The following ZNF541 variants were observed in gnomAD, a reference collection of about 807,000 sequenced individuals.
ZNF541 encodes zinc finger protein 541.
Under a neutral mutation model 123.5 loss-of-function variants are expected in ZNF541, and 23 were observed. The observed-to-expected ratio is 0.19, with a 90% CI of 0.13 to 0.26. The LOEUF is 0.26. Among genes scored for constraint, ZNF541 ranks in the 10% least tolerant of loss-of-function variants. The probability of loss-of-function intolerance (pLI) is 1.00; values close to 1 mark genes in which losing one functional copy is unlikely to be tolerated. For synonymous variants in ZNF541, 751 were observed against 754.5 expected (o/e 1.00, Z 0.08); for missense variants, 1,612 against 1,789.9 (o/e 0.90, Z 1.79).
chr19:47,545,146 C>T lies in ZNF541; in HGVS notation c.1383G>A (p.Pro461=), dbSNP rs913556586. Residue 461 remains proline, a synonymous_variant, in exon 5 of 17, where the codon CCG becomes CCA. Transcript: ENST00000391901. This position sits in a 1 kb window ranked among gnomAD's most constrained non-coding sequence, Gnocchi z 7.5. ...PSSGSPSEES[P]PGPGGGLEDA... ...CCTCCAGGCCACCGCCGGGGCCGGG[C>T]GGGGACTCCTCCGAGGGGCTTCCGC... 6.7e-6 allele frequency: 10 copies of T among 1,487,472 alleles called. No homozygotes were observed. The highest frequency in any genetic ancestry group is 8.0e-6 in the Non-Finnish European group (9 of 1,119,066). 92.1% of individuals were successfully genotyped at this position (1,487,472 alleles called of 1,614,324 possible). A position where few individuals can be genotyped will look rare whatever the true frequency, so the allele number is the denominator to read the frequency against.
At chr19:47,536,143 T>A (rs1969809563) in intron 9 of ZNF541, among the ~76,000 whole-genome samples, 1 of 152,256 alleles carries the variant, frequency 6.6e-6, no homozygotes, top group Non-Finnish European at 1.5e-5. Flanking sequence ...AAGAACGCCT[T>A]TAAGCAGTTT....
intron 2 of ZNF541, among the ~76,000 whole-genome samples, chr19:47,559,143 G>A (rs1970957945): frequency 6.6e-6 from 1 of 151,804 alleles, no homozygotes; most frequent in South Asian, 2.1e-4. Flanking sequence ...GGCCGAGGTG[G>A]GCAAATCACT....
At position 47,521,303 on chromosome 19, in the gene ZNF541, A is replaced by G. The variant is rs1294682877; in HGVS notation, c.3962T>C (p.Ile1321Thr). The change falls in exon 17 of 17, where the codon ATC (isoleucine) becomes ACC (threonine). Residue 1321 changes from isoleucine to threonine, a missense_variant. This residue lies in a region of ZNF541 where 30 missense variants were observed against 48.9 expected (regional missense o/e 0.61). Transcript: ENST00000391901. This position sits in a 1 kb window ranked among gnomAD's most constrained non-coding sequence, Gnocchi z 4.2. ...GGGCTTCACTGGCCACTTCACCCTG[A>G]TGATGGGCTCCACGTGGTCCTGAAG... Reference protein sequence around the residue: ...HRLQDHVEPIIRVKWPVKPFQ... With the variant: ...HRLQDHVEPITRVKWPVKPFQ... The G allele has an allele frequency of 1.3e-6, 2 of 1,551,606 alleles. No individual in the cohort carries two copies. Among genetic ancestry groups the G allele is most frequent in the South Asian group, 2.4e-5 (2 of 84,062 alleles).
At chr19:47,560,743 T>A (rs927577776) in intron 2 of ZNF541, among the ~76,000 whole-genome samples, 1 of 152,096 alleles carries the variant, frequency 6.6e-6, no homozygotes, top group Non-Finnish European at 1.5e-5. Context: ...AAAACTTCAG[T>A]CCACACAAAA....
intron 4 of ZNF541, among the ~76,000 whole-genome samples, chr19:47,548,766 G>A (rs1221491734): frequency 1.3e-5 from 2 of 152,226 alleles, no homozygotes; most frequent in East Asian, 1.9e-4. Flanking sequence ...TCTTCCCTGC[G>A]CTCTGATGGT....
At chr19:47,567,649 C>G (rs1202752801) in intron 2 of ZNF541, among the ~76,000 whole-genome samples, 1 of 152,236 alleles carries the variant, frequency 6.6e-6, no homozygotes, top group African/African-American at 2.4e-5. Flanking sequence ...GGCTTTCCAA[C>G]TTCTATTTAA....
intron 3 of ZNF541, among the ~76,000 whole-genome samples, chr19:47,550,205 T>C (rs1260580079): frequency 6.6e-6 from 1 of 151,020 alleles, no homozygotes; most frequent in African/African-American, 2.4e-5. Flanking sequence ...TAAGCTGAGA[T>C]AGCACCACTG....
Position 47,521,219 on chromosome 19 carries a change from G to A in ZNF541, c.*5C>T, listed in dbSNP as rs747864096. ...AGGCCCCATTCGGACTTGCTGCCAC[G>A]GGAGTCACCACTGCAGGGGGCCGAT... is the stretch of plus-strand genomic sequence containing the variant. On this transcript the variant is annotated 3_prime_UTR_variant, in exon 17 of 17. Coordinates refer to ENST00000391901, the MANE Select transcript of ZNF541 (RefSeq NM_001277075.3). This position sits in a 1 kb window ranked among gnomAD's most constrained non-coding sequence, Gnocchi z 4.2. 1.1e-5 allele frequency: 17 copies of A among 1,550,550 alleles called. No homozygotes were observed. Among genetic ancestry groups the A allele is most frequent in the African/African-American group, 4.1e-5 (3 of 73,056 alleles).
chr19:47,525,775 T>C (rs912320736), intron 14 of ZNF541, among the ~76,000 whole-genome samples: 1 of 151,622 alleles, frequency 6.6e-6, no homozygotes, highest in African/African-American at 2.4e-5. Flanking sequence ...TAGGCGGGCA[T>C]GGTGGTGGCA....
At chr19:47,547,699 C>T (rs535080127) in intron 4 of ZNF541, among the ~76,000 whole-genome samples, 1 of 152,254 alleles carries the variant, frequency 6.6e-6, no homozygotes, top group Non-Finnish European at 1.5e-5. Context: ...CATAAGAATG[C>T]TAAGTACTTT....
At position 47,561,775 on chromosome 19, in the gene ZNF541, A is replaced by C. The variant is rs1220942747; in HGVS notation, c.-98-5821T>G. ...TCTGTTAAGTCACTAGCTGACCACT[A>C]AACTAACAGAACAGACTACTGACCA... On this transcript the variant is annotated intron_variant, in intron 2 of 16. Coordinates refer to ENST00000391901, the MANE Select transcript of ZNF541 (RefSeq NM_001277075.3). 2.0e-5 allele frequency among the ~76,000 whole-genome samples: 3 copies of C among 152,048 alleles called. No individual in the cohort carries two copies. The East Asian group carries it at 5.8e-4, about 29-fold the overall frequency.
chr19:47,564,707 G>C (rs1442312895), intron 2 of ZNF541, among the ~76,000 whole-genome samples: 1 of 152,196 alleles, frequency 6.6e-6, no homozygotes, highest in Non-Finnish European at 1.5e-5. Context: ...TACACTGCTG[G>C]TGGGAATGTA....
chr19:47,547,337 A>G (rs562022099), intron 4 of ZNF541, among the ~76,000 whole-genome samples: 1 of 152,312 alleles, frequency 6.6e-6, no homozygotes, highest in Admixed American at 6.5e-5. Flanking sequence ...AAATGTGCCT[A>G]TAGTTTCTGC....
chr19:47,545,044 T>C lies in ZNF541; in HGVS notation c.1485A>G (p.Glu495=). The stretch of plus-strand genomic sequence containing the variant: ...CCTTCTTGGGGGCGCAGGGGTCATC[T>C]TCCCCGCTGGCCGACCTGGGGTCGC... The part of the protein sequence containing the change: ...APSDPRSASG[E]DDPCAPKKVK... Residue 495 remains glutamate (E), a synonymous_variant, in exon 5 of 17, where the codon GAA becomes GAG. Coordinates refer to ENST00000391901, the MANE Select transcript of ZNF541 (RefSeq NM_001277075.3). This position sits in a 1 kb window ranked among gnomAD's most constrained non-coding sequence, Gnocchi z 7.5. 1 of 1,482,502 alleles carries C rather than the reference T, an allele frequency of 6.7e-7. No homozygotes were observed. The highest frequency in any genetic ancestry group is 8.9e-7 in the Non-Finnish European group (1 of 1,120,522). 91.8% of individuals were successfully genotyped at this position (1,482,502 alleles called of 1,614,324 possible). A position where few individuals can be genotyped will look rare whatever the true frequency, so the allele number is the denominator to read the frequency against.
intron 14 of ZNF541, 148 bp downstream of exon 14, chr19:47,528,802 G>C: frequency 1.6e-6 from 1 of 628,152 alleles, no homozygotes; most frequent in Non-Finnish European, 2.8e-6. Context: ...CATGAGGATA[G>C]CTTTTTGACA....
In ZNF541 at chr19:47,571,580, G is replaced by A. The variant is rs1274071992; in HGVS notation, c.-99+316C>T. Among the ~76,000 whole-genome samples, 7 of 152,156 alleles carry A rather than the reference G, an allele frequency of 4.6e-5. No homozygotes were observed. The East Asian group carries it at 1.3e-3, about 29-fold the overall frequency. On this transcript the variant is annotated intron_variant, in intron 2 of 16. Transcript: ENST00000391901. The stretch of plus-strand genomic sequence containing the variant: ...ATGGGACATACAATCTTTGCTTCAC[G>A]ACAATCCTTACTTCTTCCCTTTACC...
intron 14 of ZNF541, among the ~76,000 whole-genome samples, chr19:47,525,403 A>G (rs1046010231): frequency 2.6e-5 from 4 of 152,120 alleles, no homozygotes; most frequent in Non-Finnish European, 4.4e-5. Context: ...AAAAATGGAT[A>G]AGCTACTTAG....
chr19:47,524,499 A>G (rs1969192403), intron 14 of ZNF541, among the ~76,000 whole-genome samples: 1 of 152,094 alleles, frequency 6.6e-6, no homozygotes, highest in South Asian at 2.1e-4. Flanking sequence ...TGAGGTCAGG[A>G]GTTTGAGACC....
chr19:47,523,175 C>T (rs181015582), intron 14 of ZNF541, among the ~76,000 whole-genome samples: 135 of 150,356 alleles, frequency 9.0e-4, no homozygotes, highest in African/African-American at 3.2e-3. Flanking sequence ...ACTATAGGCG[C>T]GCACCACCAT....
Sources: allele counts gnomAD v4.1 joint callset (sites outside exome capture counted in the v4.1 genomes callset), GRCh38; gene constraint gnomAD v4.1.1; regional missense constraint gnomAD v4.1.1; non-coding constraint Gnocchi (gnomAD v3.1); transcripts MANE v1.5; gene names NCBI Gene and HGNC (gene_info 2026-07-23, HGNC 2026-07-21).